Variants in SEMA4D observed in about 807,000 individuals in gnomAD.
SEMA4D encodes semaphorin 4D.
A neutral mutation model predicts 74.8 loss-of-function variants in SEMA4D; 22 were observed. That is an observed-to-expected ratio of 0.29 (90% CI 0.21 to 0.42). The LOEUF (loss-of-function observed/expected upper bound fraction) is 0.42, where lower values mean the gene tolerates loss of function less well. Ranked by LOEUF, SEMA4D falls within the 10% of genes least tolerant of loss-of-function variation. SEMA4D has a pLI of 1.00. For missense variants in SEMA4D, 937 were observed against 1,118.4 expected, an observed-to-expected ratio of 0.84 and a Z score of 2.31; for synonymous variants, 445 against 463.7, an observed-to-expected ratio of 0.96 and a Z score of 0.52.
chr9:89,473,281 A>G (rs1860877435), intron 1 of SEMA4D, among the ~76,000 whole-genome samples: 1 of 152,152 alleles, frequency 6.6e-6, no homozygotes, highest in Non-Finnish European at 1.5e-5. Context: ...CCAAACCTTA[A>G]AAAGGAGCAA....
rs759748107 is a variant in SEMA4D, at chr9:89,381,116, C to T, written c.1620-18G>A. ...TCAAACCCCTGCAAAACAACCGGCA[C>T]GTGTTATTCACCCACACACATGGGG... On this transcript the variant is annotated intron_variant, in intron 14 of 15. Coordinates refer to ENST00000422704, the MANE Select transcript of SEMA4D (RefSeq NM_001371194.2). This position sits in a 1 kb window ranked among gnomAD's most constrained non-coding sequence, Gnocchi z 4.6. 33 of 1,614,024 alleles carry T rather than the reference C, an allele frequency of 2.0e-5. No individual in the cohort carries two copies. The South Asian group carries it at 2.5e-4, about 12-fold the overall frequency.
intron 1 of SEMA4D, among the ~76,000 whole-genome samples, chr9:89,460,987 C>T (rs1857070972): frequency 6.6e-6 from 1 of 152,156 alleles, no homozygotes; most frequent in South Asian, 2.1e-4. Flanking sequence ...GGGCAGACAA[C>T]CCTATCACCT....
intron 1 of SEMA4D, among the ~76,000 whole-genome samples, chr9:89,462,138 A>T (rs1249575819): frequency 6.6e-6 from 1 of 152,182 alleles, no homozygotes; most frequent in Non-Finnish European, 1.5e-5. Context: ...TCCCTAACTG[A>T]AGCACGTGAA....
At chr9:89,468,118 A>G (rs1859233262) in intron 1 of SEMA4D, among the ~76,000 whole-genome samples, 2 of 152,232 alleles carry the variant, frequency 1.3e-5, no homozygotes, top group Non-Finnish European at 2.9e-5. Flanking sequence ...GAGAAAACTC[A>G]GCGCCATAGG....
Position 89,388,855 on chromosome 9 carries a change from C to T in SEMA4D, c.950+17G>A, listed in dbSNP as rs774189489. 6.2e-7 allele frequency: 1 copy of T among 1,610,700 alleles called. No homozygotes were observed. Among genetic ancestry groups the T allele is most frequent in the Non-Finnish European group, 8.5e-7 (1 of 1,177,272 alleles). On this transcript the variant is annotated intron_variant, in intron 10 of 15. Transcript: ENST00000422704. ...CATCAAGGGAGCAAGGAGGGGGACTCCACCCAGGGCACTTACAGCTGTGGG... is the reference window on the plus strand; with the variant it reads ...CATCAAGGGAGCAAGGAGGGGGACTTCACCCAGGGCACTTACAGCTGTGGG...
intron 1 of SEMA4D, among the ~76,000 whole-genome samples, chr9:89,485,562 G>C (rs1256666338): frequency 6.6e-6 from 1 of 152,250 alleles, no homozygotes; most frequent in East Asian, 1.9e-4. Flanking sequence ...GCCAAGACGG[G>C]AGGATCACCT....
chr9:89,403,182 A>AGGT (rs1842573664), intron 3 of SEMA4D, among the ~76,000 whole-genome samples, 166 bp from the exon 4 acceptor site: 1 of 152,222 alleles, frequency 6.6e-6, no homozygotes, highest in African/African-American at 2.4e-5. Flanking sequence ...GCTACAGTGG[A>AGGT]GGTGGCCTCA....
At chr9:89,365,149 A>AG (rs1393442601) in intron 16 of SEMA4D, 2 of 152,392 alleles carry the variant, frequency 1.3e-5, no homozygotes, top group African/African-American at 4.8e-5. Flanking sequence ...GAAAGGGCTG[A>AG]GGGGGGCCAC....
chr9:89,449,909 C>T (rs1267671331), intron 2 of SEMA4D: 1 of 1,439,086 alleles, frequency 6.9e-7, no homozygotes, highest in East Asian at 2.3e-5. Context: ...TGAATGGCTT[C>T]ATCACTAATG....
intron 6 of SEMA4D, among the ~76,000 whole-genome samples, chr9:89,394,514 C>T (rs552107595): frequency 2.3e-4 from 35 of 152,326 alleles, no homozygotes; most frequent in Admixed American, 1.7e-3. Flanking sequence ...CTGAGCCTGC[C>T]GGGAACCAGA....
chr9:89,379,684 C>A, intron 15 of SEMA4D, 55 bp from the exon 16 acceptor site: 1 of 1,540,616 alleles, frequency 6.5e-7, no homozygotes, highest in South Asian at 1.3e-5. Flanking sequence ...TGCTATTTAA[C>A]AACTTCTTTA....
chr9:89,396,254 A>C (rs942812016), intron 6 of SEMA4D, among the ~76,000 whole-genome samples: 1 of 152,148 alleles, frequency 6.6e-6, no homozygotes, highest in Non-Finnish European at 1.5e-5. Context: ...GCACAGATGC[A>C]CCAACCAAGA....
downstream of SEMA4D, among the ~76,000 whole-genome samples, chr9:89,375,101 T>G (rs2132550211): frequency 6.6e-6 from 1 of 152,316 alleles, no homozygotes; most frequent in South Asian, 2.1e-4. Context: ...CCATACAGCC[T>G]GCCTGCATCT....
intron 1 of SEMA4D, among the ~76,000 whole-genome samples, chr9:89,458,579 T>G (rs532844666): frequency 6.6e-6 from 1 of 151,888 alleles, no homozygotes; most frequent in African/African-American, 2.4e-5. Context: ...CACACTTACA[T>G]GCACACACGT....
chr9:89,475,175 G>C (rs1861458116), intron 1 of SEMA4D, among the ~76,000 whole-genome samples: 1 of 152,230 alleles, frequency 6.6e-6, no homozygotes, highest in African/African-American at 2.4e-5. Context: ...TGGGCTGCCA[G>C]GAATGACCAG....
At chr9:89,404,263 C>T (rs980609964) in intron 3 of SEMA4D, among the ~76,000 whole-genome samples, 1 of 152,252 alleles carries the variant, frequency 6.6e-6, no homozygotes, top group South Asian at 2.1e-4. Flanking sequence ...TCTCAGGCGC[C>T]TGGAGCAGAC....
chr9:89,480,583 C>T (rs935197677), intron 1 of SEMA4D, among the ~76,000 whole-genome samples: 2 of 152,228 alleles, frequency 1.3e-5, no homozygotes, highest in Non-Finnish European at 1.5e-5. Context: ...AGTCAAGGCC[C>T]GGTGAGAAAT....
chr9:89,478,478 G>C (rs1476625525), intron 1 of SEMA4D, among the ~76,000 whole-genome samples: 2 of 152,152 alleles, frequency 1.3e-5, no homozygotes, highest in African/African-American at 4.8e-5. Flanking sequence ...CTGACCTCCA[G>C]AACTGGGAGA....
Position 89,388,781 on chromosome 9 carries a change from C to A in SEMA4D, c.962G>T (p.Gly321Val), listed in dbSNP as rs775605685. 6.2e-7 allele frequency: 1 copy of A among 1,606,134 alleles called. No homozygotes were observed. Among genetic ancestry groups the A allele is most frequent in the Non-Finnish European group, 8.5e-7 (1 of 1,174,300 alleles). Reference sequence around the variant, plus strand: ...GTTGTAGGCGCACACTGCCGACAGCCCCACGTTGTTCCTGGGGAGGGGAAA... The same window carrying A: ...GTTGTAGGCGCACACTGCCGACAGCACCACGTTGTTCCTGGGGAGGGGAAA... ...ALFTPQLNNV[G>V]LSAVCAYNLS... The change falls in exon 11 of 16, where the codon GGG (glycine) becomes GTG (valine). Residue 321 changes from glycine to valine, a missense_variant. By Grantham distance (109) the Gly-to-Val change is moderately radical. Transcript: ENST00000422704.
Sources: gnomAD v4.1 joint callset for allele counts (sites outside exome capture counted in the v4.1 genomes callset) on GRCh38, gnomAD v4.1.1 for gene constraint, Gnocchi (gnomAD v3.1) non-coding constraint, MANE v1.5 for transcripts, NCBI Gene and HGNC (gene_info 2026-07-23, HGNC 2026-07-21) for gene names.